PCDH15: variants seen among roughly 807,000 people sequenced by gnomAD.
PCDH15 encodes protocadherin related 15.
Under a neutral mutation model 178.5 loss-of-function variants are expected in PCDH15, and 129 were observed. That is an observed-to-expected ratio of 0.72 (90% confidence interval 0.63 to 0.84). PCDH15 has a LOEUF of 0.84. Among genes scored for constraint, PCDH15 ranks in the 40% least tolerant of loss-of-function variants. The pLI is 0.00. For missense variants in PCDH15, 2,230 were observed against 2,099.9 expected, an observed-to-expected ratio of 1.06 and a Z score of -1.21; for synonymous variants, 800 against 732.0, an observed-to-expected ratio of 1.09 and a Z score of -1.50.
At chr10:53,926,098 A>G in intron 25 of PCDH15, among the ~76,000 whole-genome samples, 1 of 152,210 alleles carries the variant, frequency 6.6e-6, no homozygotes, top group Middle Eastern at 3.2e-3. Flanking sequence ...CCAGTCATCA[A>G]GTCCTACCAA....
chr10:53,959,885 A>C, intron 22 of PCDH15, 41 bp from the exon 23 acceptor site: 1 of 1,491,486 alleles, frequency 6.7e-7, no homozygotes, highest in Non-Finnish European at 9.4e-7. Context: ...ATTATAAGTA[A>C]GAACAGCGTA....
At chr10:54,395,450 C>A (rs932668913) in intron 3 of PCDH15, among the ~76,000 whole-genome samples, 13 of 121,862 alleles carry the variant, frequency 1.1e-4, no homozygotes, top group South Asian at 2.5e-4. Flanking sequence ...ACACACACAC[C>A]CACATTAAGA....
At chr10:54,103,650 C>G in intron 15 of PCDH15, among the ~76,000 whole-genome samples, 1 of 152,194 alleles carries the variant, frequency 6.6e-6, no homozygotes, top group Non-Finnish European at 1.5e-5. Flanking sequence ...CTTTAGATCC[C>G]TTTCTCTGCA....
At chr10:54,319,522 T>C (rs1385437708) in intron 7 of PCDH15, among the ~76,000 whole-genome samples, 2 of 152,080 alleles carry the variant, frequency 1.3e-5, no homozygotes, top group Non-Finnish European at 2.9e-5. Flanking sequence ...GGAGGGGATA[T>C]GGAAAGCAAC....
chr10:55,397,115 T>C (rs998332640), intron 2 of PCDH15, among the ~76,000 whole-genome samples: 3 of 152,198 alleles, frequency 2.0e-5, no homozygotes, highest in Non-Finnish European at 2.9e-5. Flanking sequence ...ACAACTGCAG[T>C]AGAACTAGAT....
At position 54,042,520 on chromosome 10, in the gene PCDH15, A is replaced by C. The variant is rs191361341; in HGVS notation, c.2221-19323T>G. 2.7e-4 allele frequency among the ~76,000 whole-genome samples: 41 copies of C among 152,194 alleles called. 1 individual carries two copies. The East Asian group carries it at 8.0e-3, about 30-fold the overall frequency. On this transcript the variant is annotated intron_variant, in intron 18 of 37. Coordinates refer to ENST00000644397, the MANE Select transcript of PCDH15 (RefSeq NM_001384140.1). Reference sequence around the variant, plus strand: ...TTGAATGAAAGAGTGAATCACACAGAGAGTTAGAGAAAGAGTGCTCCAGGC... The same window carrying C: ...TTGAATGAAAGAGTGAATCACACAGCGAGTTAGAGAAAGAGTGCTCCAGGC...
intron 3 of PCDH15, among the ~76,000 whole-genome samples, chr10:54,872,244 T>C (rs550387195): frequency 1.3e-5 from 2 of 152,124 alleles, no homozygotes; most frequent in East Asian, 3.9e-4. Context: ...AGTGAATGCC[T>C]GAGGTGTTCA....
chr10:55,161,425 G>T (rs948233816), intron 2 of PCDH15, among the ~76,000 whole-genome samples: 2 of 151,938 alleles, frequency 1.3e-5, no homozygotes, highest in Non-Finnish European at 2.9e-5. Flanking sequence ...CAGCCCAGTG[G>T]GCTGATTTGA....
intron 2 of PCDH15, among the ~76,000 whole-genome samples, chr10:55,366,510 C>A (rs1845365613): frequency 6.6e-6 from 1 of 152,130 alleles, no homozygotes; most frequent in Admixed American, 6.6e-5. Context: ...AATGTGTTTA[C>A]AACCCTCAGA....
chr10:54,763,762 AT>A (rs906803685), intron 1 of PCDH15, among the ~76,000 whole-genome samples: 3 of 147,724 alleles, frequency 2.0e-5, no homozygotes. Flanking sequence ...AAATATATAT[AT>A]ATATAGTATA....
rs182914770 is a variant in PCDH15 at position 55,397,632 on chromosome 10, G to C, written c.-156+229993C>G. 2.6e-3 allele frequency among the ~76,000 whole-genome samples: 396 copies of C among 152,210 alleles called. 2 individuals are homozygous for C. The highest frequency in any genetic ancestry group is 9.2e-3 in the African/African-American group (381 of 41,508). On this transcript the variant is annotated intron_variant, in intron 2 of 5. Transcript: ENST00000613346. ...GAGTCTTGCTCTGTCGCCCAGGCTG[G>C]AGTGCAGTGGCGTGATCTCGGCTCA...
At chr10:54,921,383 T>C (rs1837483354) in intron 2 of PCDH15, among the ~76,000 whole-genome samples, 1 of 152,148 alleles carries the variant, frequency 6.6e-6, no homozygotes, top group African/African-American at 2.4e-5. Context: ...GTTGTATAGA[T>C]AAACTCATGT....
At chr10:54,033,380 G>GT (rs944771030) in intron 18 of PCDH15, among the ~76,000 whole-genome samples, 26 of 151,612 alleles carry the variant, frequency 1.7e-4, no homozygotes, top group African/African-American at 5.1e-4. Context: ...GAAAAGTAAG[G>GT]TTTTCTTGTC....
At chr10:53,855,904 G>GTGTA (rs1554832765) in intron 28 of PCDH15, among the ~76,000 whole-genome samples, 1 of 109,690 alleles carries the variant, frequency 9.1e-6, no homozygotes, top group African/African-American at 3.8e-5. Flanking sequence ...AAGGTGATAT[G>GTGTA]TATATATATA....
rs184155615 is a variant in PCDH15, at chr10:53,881,960, A to G, written c.3502-15103T>C. On this transcript the variant is annotated intron_variant, in intron 26 of 37. Transcript: ENST00000644397. The stretch of plus-strand genomic sequence containing the variant: ...AATTCCATTTTGAGATAATTTGGTA[A>G]AATGTTAATATTATGAATTGCCCAC... 2.7e-3 allele frequency among the ~76,000 whole-genome samples: 404 copies of G among 151,780 alleles called. 2 individuals are homozygous for G. The highest frequency in any genetic ancestry group is 8.5e-3 in the African/African-American group (353 of 41,454).
intron 3 of PCDH15, among the ~76,000 whole-genome samples, chr10:54,504,137 G>C (rs1423853023): frequency 6.6e-6 from 1 of 151,986 alleles, no homozygotes; most frequent in Non-Finnish European, 1.5e-5. Context: ...TACATATTTG[G>C]ACCTCAAATT....
At position 53,823,255 on chromosome 10, in the gene PCDH15, C is replaced by CAATAGTATT. The variant is rs768528380; in HGVS notation, c.4368-3034_4368-3026dup. 1.2e-5 allele frequency: 20 copies of CAATAGTATT among 1,613,826 alleles called. No individual in the cohort carries two copies. The South Asian group carries it at 1.8e-4, about 14-fold the overall frequency. On this transcript the variant is annotated intron_variant, in intron 32 of 37. Coordinates refer to ENST00000644397, the MANE Select transcript of PCDH15 (RefSeq NM_001384140.1). Reference sequence around the variant, plus strand: ...TCTACATGAGCTGACTTGTGAGCCTCAATAGTATTGGAAGAAAAGGGCATC... The same window carrying CAATAGTATT: ...TCTACATGAGCTGACTTGTGAGCCTCAATAGTATTAATAGTATTGGAAGAAAAGGGCATC...
chr10:54,194,759 A>C (rs1423732781), intron 11 of PCDH15, among the ~76,000 whole-genome samples: 2 of 151,656 alleles, frequency 1.3e-5, no homozygotes, highest in Non-Finnish European at 1.5e-5. Context: ...TACACAAAAC[A>C]TATGTATACA....
chr10:54,168,225 G>A (rs879353101), intron 13 of PCDH15, among the ~76,000 whole-genome samples: 1,982 of 152,106 alleles, frequency 0.013, 17 homozygotes, highest in South Asian at 0.03. Flanking sequence ...AATTCTTGTC[G>A]TAAAATAGGC....
Sources: allele counts gnomAD v4.1 joint callset (sites outside exome capture counted in the v4.1 genomes callset), GRCh38; gene constraint gnomAD v4.1.1; transcripts MANE v1.5; gene names NCBI Gene and HGNC (gene_info 2026-07-23, HGNC 2026-07-21).